The following CEP128 variants were observed in gnomAD, a reference collection of about 807,000 sequenced individuals.
CEP128 encodes the protein centrosomal protein 128kDa.
In CEP128, 132 loss-of-function variants were observed where a neutral mutation model predicts 156.7. The observed-to-expected ratio is 0.84, with a 90% CI of 0.73 to 0.97. The LOEUF (loss-of-function observed/expected upper bound fraction) is 0.97. Among genes scored for constraint, CEP128 ranks in the 50% least tolerant of loss-of-function variants. The pLI, the probability that CEP128 is intolerant of heterozygous loss-of-function variation, is 0.00. For synonymous variants in CEP128, 469 were observed against 448.9 expected (o/e 1.04, Z -0.57); for missense variants, 1,252 against 1,281.9 (o/e 0.98, Z 0.36).
rs527857977 is a variant in CEP128 at position 80,712,366 on chromosome 14, T to A, written c.2806+30709A>T. Among the ~76,000 whole-genome samples, 20 of 152,270 alleles carry A rather than the reference T, an allele frequency of 1.3e-4. No homozygotes were observed. The South Asian group carries it at 4.1e-3, about 32-fold the overall frequency. On this transcript the variant is annotated intron_variant, in intron 19 of 24. Transcript: ENST00000555265. ...CCTTCTCATCTCACCCCAGGCTCCA[T>A]CCAGCACCCTATGTGGCTCAAGCAT...
At chr14:80,839,520 C>T (rs1260117177) in intron 10 of CEP128, among the ~76,000 whole-genome samples, 1 of 152,040 alleles carries the variant, frequency 6.6e-6, no homozygotes, top group East Asian at 1.9e-4. Flanking sequence ...CACACACACA[C>T]ACAAATACAA....
At chr14:80,712,977 C>T (rs1330125147) in intron 19 of CEP128, among the ~76,000 whole-genome samples, 1 of 152,026 alleles carries the variant, frequency 6.6e-6, no homozygotes, top group African/African-American at 2.4e-5. Flanking sequence ...TAGATAATAC[C>T]CTGACTGATC....
At chr14:80,670,318 T>C (rs1263334393) in intron 19 of CEP128, among the ~76,000 whole-genome samples, 2 of 152,192 alleles carry the variant, frequency 1.3e-5, no homozygotes, top group Non-Finnish European at 2.9e-5. Context: ...AGCAAAGATG[T>C]GGATTCAACC....
chr14:80,526,984 TG>T lies in CEP128; in HGVS notation c.2959-3del. On this transcript the variant is annotated splice_region_variant and splice_polypyrimidine_tract_variant and intron_variant, in intron 22 of 24. Transcript: ENST00000555265. The stretch of plus-strand genomic sequence containing the variant: ...TCTCTCAGATGAACTGCAGGAATCC[TG>T]GAAAAAAAAAAAAGCAAAGGGTCTG... 1 of 1,263,624 alleles carries T rather than the reference TG, an allele frequency of 7.9e-7. No homozygotes were observed. Among genetic ancestry groups the T allele is most frequent in the Non-Finnish European group, 1.1e-6 (1 of 921,374 alleles). The allele number at this position is 1,263,624 out of a possible 1,614,324, so 78.3% of individuals were successfully genotyped here. A position where few individuals can be genotyped will look rare whatever the true frequency, so the allele number is the denominator to read the frequency against.
rs562082696 is a variant in CEP128 at position 80,855,576 on chromosome 14, A to G, written c.762+7181T>C. Among the ~76,000 whole-genome samples, 13 of 152,298 alleles carry G rather than the reference A, an allele frequency of 8.5e-5. 1 individual carries two copies. The South Asian group carries it at 1.4e-3, about 17-fold the overall frequency. ...ATGTACGAGATGACTACAAAAAAAA[A>G]GGGGCATTGGTTATGGAAACAAGAG... On this transcript the variant is annotated intron_variant, in intron 9 of 24. Coordinates refer to ENST00000555265, the MANE Select transcript of CEP128 (RefSeq NM_152446.5).
intron 8 of CEP128, among the ~76,000 whole-genome samples, chr14:80,884,103 C>T (rs1888678467): frequency 6.6e-6 from 1 of 152,098 alleles, no homozygotes; most frequent in South Asian, 2.1e-4. Flanking sequence ...AAATCTAAGA[C>T]CTCACACTAT....
intron 2 of CEP128, among the ~76,000 whole-genome samples, chr14:80,946,810 G>A (rs1391883971): frequency 2.0e-5 from 3 of 152,226 alleles, no homozygotes; most frequent in East Asian, 1.9e-4. Flanking sequence ...GCTTGGTTCC[G>A]TGTCCCCACC....
At chr14:80,745,459 T>TCC (rs1899051898) in intron 18 of CEP128, among the ~76,000 whole-genome samples, 1 of 152,144 alleles carries the variant, frequency 6.6e-6, no homozygotes, top group Non-Finnish European at 1.5e-5. Flanking sequence ...GATAGGAAAA[T>TCC]CATTAATGTA....
intron 19 of CEP128, among the ~76,000 whole-genome samples, chr14:80,622,272 C>T (rs2140664244): frequency 2.0e-5 from 3 of 152,212 alleles, no homozygotes; most frequent in Admixed American, 2.0e-4. Context: ...AGATGAACCT[C>T]TAAGCTGTCC....
chr14:80,570,264 C>G (rs143455546), intron 20 of CEP128, among the ~76,000 whole-genome samples: 1 of 151,998 alleles, frequency 6.6e-6, no homozygotes, highest in Non-Finnish European at 1.5e-5. Flanking sequence ...ACTACAGATG[C>G]GCATCACCAC....
intron 19 of CEP128, among the ~76,000 whole-genome samples, chr14:80,674,231 T>G (rs1784995411): frequency 6.6e-6 from 1 of 152,024 alleles, no homozygotes; most frequent in African/African-American, 2.4e-5. Flanking sequence ...TAAAGGACAA[T>G]TTAAAGGATT....
chr14:80,626,401 T>C (rs907447302), intron 19 of CEP128, among the ~76,000 whole-genome samples: 5 of 145,754 alleles, frequency 3.4e-5, no homozygotes, highest in Non-Finnish European at 6.0e-5. Flanking sequence ...GAAGCGGAGC[T>C]TGCAGTGAGC....
intron 21 of CEP128, among the ~76,000 whole-genome samples, chr14:80,533,678 C>T (rs1028630759): frequency 3.9e-5 from 6 of 152,154 alleles, no homozygotes; most frequent in African/African-American, 1.4e-4. Context: ...CCATCCCCCG[C>T]TGCCCCCATC....
Position 80,605,539 on chromosome 14 carries a change from A to G in CEP128, c.2807-25116T>C, listed in dbSNP as rs370545429. ...CTCACAATTACAGTAATTCTTCTAT[A>G]TCTTCTTATTCAGACTCTTTTTAAA... On this transcript the variant is annotated intron_variant, in intron 19 of 24. Coordinates refer to ENST00000555265, the MANE Select transcript of CEP128 (RefSeq NM_152446.5). Among the ~76,000 whole-genome samples the G allele has an allele frequency of 6.6e-5, 10 of 152,150 alleles. No homozygotes were observed. The East Asian group carries it at 1.5e-3, about 23-fold the overall frequency.
chr14:80,564,238 C>G (rs1409437980), intron 20 of CEP128, among the ~76,000 whole-genome samples: 1 of 152,190 alleles, frequency 6.6e-6, no homozygotes, highest in Admixed American at 6.5e-5. Context: ...AATGTTTACT[C>G]TTAATGACTG....
chr14:80,590,379 C>T (rs1891999769), intron 19 of CEP128, among the ~76,000 whole-genome samples: 2 of 152,120 alleles, frequency 1.3e-5, no homozygotes, highest in South Asian at 2.1e-4. Flanking sequence ...ATCTTACTTA[C>T]AGGGGGAAAC....
At chr14:80,597,645 AG>A (rs1334269658) in intron 19 of CEP128, among the ~76,000 whole-genome samples, 1 of 147,602 alleles carries the variant, frequency 6.8e-6, no homozygotes, top group East Asian at 2.2e-4. Flanking sequence ...AAGAAAGAAA[AG>A]AAAAAAAAAA....
At chr14:80,776,095 A>G (rs1044727846) in intron 16 of CEP128, among the ~76,000 whole-genome samples, 4 of 152,164 alleles carry the variant, frequency 2.6e-5, no homozygotes, top group Non-Finnish European at 2.9e-5. Context: ...CAGCCTCTCA[A>G]AGTGCTGGGA....
At chr14:80,489,837 C>T (rs935126201), downstream of CEP128, among the ~76,000 whole-genome samples, 6 of 151,028 alleles carry the variant, frequency 4.0e-5, no homozygotes, top group Middle Eastern at 3.4e-3. Flanking sequence ...CACCTCCTGA[C>T]CAGGGTATCT....
Sources: gnomAD v4.1 joint callset for allele counts (sites outside exome capture counted in the v4.1 genomes callset) on GRCh38, gnomAD v4.1.1 for gene constraint, MANE v1.5 for transcripts, NCBI Gene and HGNC (gene_info 2026-07-23, HGNC 2026-07-21) for gene names.